The following CHL1 variants were observed in gnomAD, a reference collection of about 807,000 sequenced individuals.
CHL1 encodes the protein cell adhesion molecule L1 like, also known as neural cell adhesion molecule L1-like protein.
Under a neutral mutation model 141.9 loss-of-function variants are expected in CHL1, and 96 were observed. The ratio of observed to expected loss-of-function variants is 0.68; its 90% CI spans 0.57 to 0.80. The LOEUF (loss-of-function observed/expected upper bound fraction) is 0.80, where lower values mean the gene tolerates loss of function less well. Ranked by LOEUF, CHL1 falls within the 30% of genes least tolerant of loss-of-function variation. The pLI is 0.00. For synonymous variants in CHL1, 613 were observed against 502.2 expected (o/e 1.22, Z -2.95); for missense variants, 1,820 against 1,457.2 (o/e 1.25, Z -4.05).
intron 2 of CHL1, among the ~76,000 whole-genome samples, chr3:286,569 C>T (rs191772893): frequency 6.8e-6 from 1 of 146,680 alleles, no homozygotes; most frequent in African/African-American, 2.5e-5. Context: ...CGAGATTGCG[C>T]CATTGCACTC....
At chr3:210,432 G>T (rs1206965738) in intron 1 of CHL1, among the ~76,000 whole-genome samples, 1 of 152,204 alleles carries the variant, frequency 6.6e-6, no homozygotes, top group Non-Finnish European at 1.5e-5. Flanking sequence ...GGTGGCCCCA[G>T]GATGGCTTCC....
chr3:325,811 AAG>A (rs911069474), intron 3 of CHL1, 146 bp from the exon 4 acceptor site: 3 of 513,622 alleles, frequency 5.8e-6, no homozygotes, highest in African/African-American at 4.0e-5. Context: ...ACATGTTGCA[AAG>A]AGAGAGTGAG....
intron 1 of CHL1, among the ~76,000 whole-genome samples, chr3:204,745 G>A (rs1029005300): frequency 2.6e-5 from 4 of 152,152 alleles, no homozygotes; most frequent in African/African-American, 9.7e-5. Flanking sequence ...TTCCAAGACT[G>A]ATACTGGATG....
chr3:253,165 T>C (rs1232247714), intron 2 of CHL1, among the ~76,000 whole-genome samples: 1 of 152,146 alleles, frequency 6.6e-6, no homozygotes, highest in Non-Finnish European at 1.5e-5. Context: ...CACATTTCTA[T>C]AATTGTACTA....
chr3:217,812 T>G lies in CHL1; in HGVS notation c.-175+20749T>G, dbSNP rs1004942434. ...CCAACAGTTAAGCTAGTTGATGTAA[T>G]TTGTGTCTATATGTATATATATTTA... On this transcript the variant is annotated intron_variant, in intron 1 of 27. Coordinates refer to ENST00000256509, the MANE Select transcript of CHL1 (RefSeq NM_006614.4). 2.6e-5 allele frequency: 4 copies of G among 152,290 alleles called. No homozygotes were observed. In the East Asian group the frequency reaches 7.7e-4, roughly 29 times the overall value. The allele number at this position is 152,290 out of a possible 1,614,324, so 9.4% of individuals were successfully genotyped here.
chr3:337,887 C>T (rs542666519), intron 5 of CHL1, among the ~76,000 whole-genome samples: 8 of 152,124 alleles, frequency 5.3e-5, no homozygotes, highest in African/African-American at 4.8e-5. Flanking sequence ...GGTATATACC[C>T]AGTAATGGGA....
chr3:262,648 G>T (rs1413537132), intron 2 of CHL1, among the ~76,000 whole-genome samples: 1 of 152,174 alleles, frequency 6.6e-6, no homozygotes, highest in Non-Finnish European at 1.5e-5. Context: ...ACAGGGAGTG[G>T]TAAGGCCTGG....
intron 2 of CHL1, among the ~76,000 whole-genome samples, chr3:301,919 C>T (rs938486784): frequency 6.6e-6 from 1 of 152,182 alleles, no homozygotes; most frequent in Non-Finnish European, 1.5e-5. Context: ...CGCCAACAGG[C>T]CCTGGTGTGT....
intron 1 of CHL1, among the ~76,000 whole-genome samples, chr3:241,739 C>A (rs948740649): frequency 2.6e-5 from 4 of 151,916 alleles, no homozygotes; most frequent in African/African-American, 9.7e-5. Context: ...AAATTACTTT[C>A]TTTTTAATAT....
intron 18 of CHL1, 58 bp from the exon 19 acceptor site, chr3:383,758 A>AATC (rs1241743417): frequency 2.4e-6 from 3 of 1,229,194 alleles, no homozygotes; most frequent in Non-Finnish European, 3.6e-6. Flanking sequence ...GAGTTGTGAT[A>AATC]TGATGACTTA....
At chr3:354,561 A>C (rs1466599470) in intron 10 of CHL1, 79 bp from the exon 11 acceptor site, 1 of 1,486,570 alleles carries the variant, frequency 6.7e-7, no homozygotes, top group Non-Finnish European at 9.0e-7. Context: ...GCTGGTGCAA[A>C]GTAGAAATAC....
At chr3:380,244 G>A (rs1706869267) in intron 16 of CHL1, among the ~76,000 whole-genome samples, 1 of 152,164 alleles carries the variant, frequency 6.6e-6, no homozygotes. Context: ...ACACAGTCAT[G>A]AACCACATTT....
chr3:363,938 C>G (rs1704552829), intron 14 of CHL1: 1 of 152,166 alleles, frequency 6.6e-6, no homozygotes, highest in Non-Finnish European at 1.5e-5. Flanking sequence ...CAAGAAAACA[C>G]AAAATGGAAA....
intron 6 of CHL1, among the ~76,000 whole-genome samples, chr3:341,124 G>A (rs533771033): frequency 1.2e-4 from 19 of 152,268 alleles, no homozygotes; most frequent in Non-Finnish European, 2.4e-4. Flanking sequence ...TTGGAATATA[G>A]ATCATGTGAA....
intron 11 of CHL1, among the ~76,000 whole-genome samples, chr3:357,275 T>C (rs1358588477): frequency 9.9e-5 from 15 of 152,228 alleles, no homozygotes; most frequent in Admixed American, 7.9e-4. Context: ...GACAGAGTGT[T>C]GGCTAGAGGA....
At chr3:222,921 C>A (rs1242724606) in intron 1 of CHL1, among the ~76,000 whole-genome samples, 1 of 152,104 alleles carries the variant, frequency 6.6e-6, no homozygotes, top group Non-Finnish European at 1.5e-5. Context: ...AGCAGTATAG[C>A]ATCTTCCAAT....
chr3:266,314 C>G (rs1397067053), intron 2 of CHL1, among the ~76,000 whole-genome samples: 1 of 151,934 alleles, frequency 6.6e-6, no homozygotes, highest in Non-Finnish European at 1.5e-5. Flanking sequence ...CACCAGCGAG[C>G]GACAAATGGA....
chr3:309,859 G>A (rs1360575784), intron 2 of CHL1, among the ~76,000 whole-genome samples: 9 of 152,044 alleles, frequency 5.9e-5, no homozygotes, highest in Non-Finnish European at 1.2e-4. Context: ...GTAACTGTAA[G>A]TTGTAATCAA....
rs191308516 is a variant in CHL1 at position 379,343 on chromosome 3, G to A, written c.1876+1401G>A. ...TATGGACTTGTAGAGTTGTCGAGTC[G>A]GCTCAGTAGAATTGTACCTTTAGGC... On this transcript the variant is annotated intron_variant, in intron 16 of 27. Transcript: ENST00000256509. Among the ~76,000 whole-genome samples, 102 of 152,164 alleles carry A rather than the reference G, an allele frequency of 6.7e-4. 1 individual carries two copies. Among genetic ancestry groups the A allele is most frequent in the African/African-American group, 2.3e-3 (94 of 41,522 alleles).
Sources: allele counts gnomAD v4.1 joint callset (sites outside exome capture counted in the v4.1 genomes callset), GRCh38; gene constraint gnomAD v4.1.1; transcripts MANE v1.5; gene names NCBI Gene and HGNC (gene_info 2026-07-23, HGNC 2026-07-21).